SIGLEC11: variants seen among roughly 807,000 people sequenced by gnomAD.
The protein encoded by SIGLEC11 is sialic acid-binding Ig-like lectin 11.
SIGLEC11 carries 47 observed loss-of-function variants against 61.2 expected under a neutral mutation model. The observed-to-expected ratio is 0.77, with a 90% CI of 0.61 to 0.98. The LOEUF is 0.98. SIGLEC11 is among the 50% of genes least tolerant of loss of function. The pLI is 0.00. For synonymous variants in SIGLEC11, 278 were observed against 373.1 expected, an observed-to-expected ratio of 0.75 and a Z score of 2.94; for missense variants, 610 against 870.3, an observed-to-expected ratio of 0.70 and a Z score of 3.76.
In SIGLEC11 at chr19:49,949,669, C is replaced by G. The variant is rs1402550693; in HGVS notation, c.*301G>C. On this transcript the variant is annotated 3_prime_UTR_variant, in exon 11 of 11. Coordinates refer to ENST00000447370, the MANE Select transcript of SIGLEC11 (RefSeq NM_052884.3). ...CCAGCCAGGGAAACATGGCAAAACCCTGTCTCTACTAAAAATATAACAATG... is the reference window on the plus strand; with the variant it reads ...CCAGCCAGGGAAACATGGCAAAACCGTGTCTCTACTAAAAATATAACAATG... 2.0e-5 allele frequency: 4 copies of G among 201,500 alleles called. No homozygotes were observed. The highest frequency in any genetic ancestry group is 9.2e-5 in the African/African-American group (4 of 43,394). 12.5% of individuals were successfully genotyped at this position (201,500 alleles called of 1,614,324 possible).
chr19:49,959,773 CTGACGTGT>C lies in SIGLEC11; in HGVS notation c.785_792del (p.Asn262SerfsTer26). The C allele has an allele frequency of 1.9e-6, 1 of 518,742 alleles. No individual in the cohort carries two copies. 32.1% of individuals were successfully genotyped at this position (518,742 alleles called of 1,614,324 possible). On this transcript the variant is annotated frameshift_variant and splice_region_variant, in exon 4 of 11. Transcript: ENST00000447370. LOFTEE classifies it high-confidence loss of function. Reference sequence around the variant, plus strand: ...GCCCCAGCCCGAAGGCCCTCAGTACCTGACGTGTTGTCATGTGAAATGCTGATAATAAG... The same window carrying C: ...GCCCCAGCCCGAAGGCCCTCAGTACCTGTCATGTGAAATGCTGATAATAAG...
chr19:49,950,632 C>T (rs73932016), intron 10 of SIGLEC11, among the ~76,000 whole-genome samples: 3,704 of 152,220 alleles, frequency 0.024, 144 homozygotes, highest in African/African-American at 0.085. Flanking sequence ...CTCCAGTGCC[C>T]GCTGCCTTAT....
intron 8 of SIGLEC11, among the ~76,000 whole-genome samples, chr19:49,956,653 AC>A (rs2076198433): frequency 6.6e-6 from 1 of 152,014 alleles, no homozygotes; most frequent in South Asian, 2.1e-4. Context: ...ACACAAATTA[AC>A]CCCCTGAAAA....
chr19:49,957,785 A>C (rs776279873), intron 8 of SIGLEC11, among the ~76,000 whole-genome samples: 20 of 152,346 alleles, frequency 1.3e-4, no homozygotes, highest in Non-Finnish European at 2.8e-4. Flanking sequence ...GTGAATCACA[A>C]GGTCAGGAGT....
At position 49,952,413 on chromosome 19, in the gene SIGLEC11, T is replaced by TG. The variant is rs1466988829; in HGVS notation, c.1652-20dup. The TG allele has an allele frequency of 1.3e-6, 2 of 1,594,858 alleles. No individual in the cohort carries two copies. The highest frequency in any genetic ancestry group is 8.5e-7 in the Non-Finnish European group (1 of 1,174,152). Reference sequence around the variant, plus strand: ...AGCTTCCCTGCATGGGAGCAGGGTTTGGGGTGGTGCCCTCCTGGCCCTGAG... The same window carrying TG: ...AGCTTCCCTGCATGGGAGCAGGGTTTGGGGGTGGTGCCCTCCTGGCCCTGAG... On this transcript the variant is annotated intron_variant, in intron 8 of 10. Coordinates refer to ENST00000447370, the MANE Select transcript of SIGLEC11 (RefSeq NM_052884.3).
rs559464352 is a variant in SIGLEC11, at chr19:49,951,801, A to C, written c.1830+90T>G. 5.1e-5 allele frequency: 59 copies of C among 1,155,132 alleles called. No individual in the cohort carries two copies. The African/African-American group carries it at 7.9e-4, about 16-fold the overall frequency. The allele number at this position is 1,155,132 out of a possible 1,614,324, so 71.6% of individuals were successfully genotyped here. A position where few individuals can be genotyped will look rare whatever the true frequency, so the allele number is the denominator to read the frequency against. The stretch of plus-strand genomic sequence containing the variant: ...GGAGCAAAACCCTATTTGGGGCACA[A>C]TGATTCTGCAAGTCACCAAGAGGAC... On this transcript the variant is annotated intron_variant, in intron 10 of 10. Coordinates refer to ENST00000447370, the MANE Select transcript of SIGLEC11 (RefSeq NM_052884.3). This position sits in a 1 kb window ranked among gnomAD's most constrained non-coding sequence, Gnocchi z 4.6.
intron 8 of SIGLEC11, among the ~76,000 whole-genome samples, 160 bp downstream of exon 8, chr19:49,958,123 G>T (rs1032853151): frequency 6.6e-6 from 1 of 152,066 alleles, no homozygotes. Context: ...TGCTCTCTCC[G>T]TTCCTCAGTT....
intron 8 of SIGLEC11, among the ~76,000 whole-genome samples, chr19:49,957,641 A>C (rs1327183612): frequency 2.0e-5 from 3 of 152,228 alleles, no homozygotes; most frequent in African/African-American, 7.2e-5. Context: ...TGACACAGCT[A>C]CAAGGCCACA....
rs2076192133 is a variant in SIGLEC11 at position 49,955,853 on chromosome 19, T to G, written c.1651+2430A>C. Among the ~76,000 whole-genome samples the G allele has an allele frequency of 6.7e-6, 1 of 149,752 alleles. No individual in the cohort carries two copies. The highest frequency in any genetic ancestry group is 6.7e-5 in the Admixed American group (1 of 14,872). On this transcript the variant is annotated intron_variant, in intron 8 of 10. Transcript: ENST00000447370. The surrounding 1 kb of genome is among the most constrained non-coding windows in gnomAD (Gnocchi z 4.5). ...GGGAGGCTGAGGCAGGAGAATGGCGTGAACCTGGGAGTTGGAGCTTGCAGT... is the reference window on the plus strand; with the variant it reads ...GGGAGGCTGAGGCAGGAGAATGGCGGGAACCTGGGAGTTGGAGCTTGCAGT...
chr19:49,956,271 A>G (rs1002584682), intron 8 of SIGLEC11, among the ~76,000 whole-genome samples: 29 of 152,352 alleles, frequency 1.9e-4, no homozygotes, highest in Admixed American at 5.9e-4. Flanking sequence ...CAAACCCAGT[A>G]AAAGAACTAA....
chr19:49,959,073 A>C lies in SIGLEC11; in HGVS notation c.1062T>G (p.Pro354=), dbSNP rs201547071. 1.8e-5 allele frequency: 29 copies of C among 1,613,788 alleles called. No individual in the cohort carries two copies. The highest frequency in any genetic ancestry group is 2.4e-5 in the Non-Finnish European group (28 of 1,179,792). Residue 354 remains proline (P), a synonymous_variant, in exon 6 of 11, where the codon CCT becomes CCG. Coordinates refer to ENST00000447370, the MANE Select transcript of SIGLEC11 (RefSeq NM_052884.3). ...AAACCATCACTCTCAGGTTCTCTGG[A>C]GGATCTGAAATGGAGACAGGGGACC... ...QQALDLSVQY[P]PENLRVMVSQ... is the part of the protein sequence containing the mutation.
At chr19:49,952,867 C>T (rs1363180389) in intron 8 of SIGLEC11, among the ~76,000 whole-genome samples, 1 of 152,176 alleles carries the variant, frequency 6.6e-6, no homozygotes, top group Admixed American at 6.5e-5. Context: ...TAAATTATGT[C>T]ACCTATCCTA....
rs1280168811 is a variant in SIGLEC11 at position 49,955,106 on chromosome 19, A to C, written c.1652-2712T>G. On this transcript the variant is annotated intron_variant, in intron 8 of 10. Coordinates refer to ENST00000447370, the MANE Select transcript of SIGLEC11 (RefSeq NM_052884.3). The surrounding 1 kb of genome is among the most constrained non-coding windows in gnomAD (Gnocchi z 4.5). Reference sequence around the variant, plus strand: ...TGTAGGGCAAGCCCAGGGTGACGTCAAGCGGCAGCTGCAGGCATGAATGCC... The same window carrying C: ...TGTAGGGCAAGCCCAGGGTGACGTCCAGCGGCAGCTGCAGGCATGAATGCC... Among the ~76,000 whole-genome samples, 1 of 152,140 alleles carries C rather than the reference A, an allele frequency of 6.6e-6. No individual in the cohort carries two copies. Among genetic ancestry groups the C allele is most frequent in the Non-Finnish European group, 1.5e-5 (1 of 68,024 alleles).
chr19:49,952,088 T>C, intron 9 of SIGLEC11, 116 bp from the exon 10 acceptor site: 1 of 1,138,350 alleles, frequency 8.8e-7, no homozygotes, highest in Non-Finnish European at 1.2e-6. Flanking sequence ...GGTGGGGACA[T>C]ATCCACGGGG....
intron 8 of SIGLEC11, among the ~76,000 whole-genome samples, chr19:49,952,759 T>C (rs2076167159): frequency 6.6e-6 from 1 of 152,198 alleles, no homozygotes; most frequent in Non-Finnish European, 1.5e-5. Context: ...AGCATAACTA[T>C]GTTTTACAAA....
rs1568753225 is a variant in SIGLEC11 at position 49,960,929 on chromosome 19, A to G, written c.83T>C (p.Leu28Pro). Residue 28 changes from leucine to proline, a missense_variant, in exon 2 of 11, where the codon CTG becomes CCG. Physicochemically the swap from Leu to Pro is moderately conservative, Grantham distance 98. This residue lies in a region of SIGLEC11 where 27 missense variants were observed against 96.0 expected (regional missense o/e 0.28). Coordinates refer to ENST00000447370, the MANE Select transcript of SIGLEC11 (RefSeq NM_052884.3). ...AAGACTGTAACTGGGATCCTTGTTC[A>G]GGGACCCTGGGGAGATGCAGAGGCT... ...LLLPVLGAGS[L>P]NKDPSYSLQV... The G allele has an allele frequency of 6.7e-7, 1 of 1,485,320 alleles. No individual in the cohort carries two copies. Among genetic ancestry groups the G allele is most frequent in the South Asian group, 1.2e-5 (1 of 85,494 alleles). The allele number at this position is 1,485,320 out of a possible 1,614,324, so 92.0% of individuals were successfully genotyped here. A position where few individuals can be genotyped will look rare whatever the true frequency, so the allele number is the denominator to read the frequency against.
At position 49,949,536 on chromosome 19, in the gene SIGLEC11, C is replaced by G. The variant is rs2076144216; in HGVS notation, c.*434G>C. 6.6e-6 allele frequency: 1 copy of G among 152,566 alleles called. No individual in the cohort carries two copies. Among genetic ancestry groups the G allele is most frequent in the Admixed American group, 6.5e-5 (1 of 15,276 alleles). The allele number at this position is 152,566 out of a possible 1,614,324, so 9.5% of individuals were successfully genotyped here. Reference sequence around the variant, plus strand: ...CCTCAAAGTGTCATCTTCAAACTCGCTCTGAATTGAAAGTATAATCTTCAG... The same window carrying G: ...CCTCAAAGTGTCATCTTCAAACTCGGTCTGAATTGAAAGTATAATCTTCAG... On this transcript the variant is annotated 3_prime_UTR_variant, in exon 11 of 11. Transcript: ENST00000447370.
rs755302187 is a variant in SIGLEC11, at chr19:49,960,599, C to T, written c.413G>A (p.Arg138His). ...WYFFRVERGSRVRHSFLSNAF... is the reference protein window; with the variant it reads ...WYFFRVERGSHVRHSFLSNAF... ...ATTGCTCAGGAAACTATGTCTCACA[C>T]GGCTTCCTCTCTCCACCCGAAAGAA... is the stretch of plus-strand genomic sequence containing the variant. The change falls in exon 2 of 11, where the codon CGT (arginine) becomes CAT (histidine). Residue 138 changes from arginine to histidine, a missense_variant. Arg to His is a conservative substitution (Grantham distance 29). Around this residue, in one of 6 missense-constraint regions of SIGLEC11, gnomAD observed 99 missense variants for 131.6 expected, o/e 0.75. Coordinates refer to ENST00000447370, the MANE Select transcript of SIGLEC11 (RefSeq NM_052884.3). 24 of 1,599,500 alleles carry T rather than the reference C, an allele frequency of 1.5e-5. 1 individual carries two copies. Among genetic ancestry groups the T allele is most frequent in the African/African-American group, 8.0e-5 (5 of 62,668 alleles).
In SIGLEC11 at chr19:49,955,155, C is replaced by CA. The variant is rs1176837013; in HGVS notation, c.1652-2762dup. On this transcript the variant is annotated intron_variant, in intron 8 of 10. Transcript: ENST00000447370. The surrounding 1 kb of genome is among the most constrained non-coding windows in gnomAD (Gnocchi z 4.5). ...CCACCCAGCTTATAAAAGTGACCAC[C>CA]AAGATGTACATGAACCATGACCAGA... Among the ~76,000 whole-genome samples, 2 of 151,916 alleles carry CA rather than the reference C, an allele frequency of 1.3e-5. No homozygotes were observed. The highest frequency in any genetic ancestry group is 4.8e-5 in the African/African-American group (2 of 41,342).
Sources: allele counts gnomAD v4.1 joint callset (sites outside exome capture counted in the v4.1 genomes callset), GRCh38; gene constraint gnomAD v4.1.1; regional missense constraint gnomAD v4.1.1; non-coding constraint Gnocchi (gnomAD v3.1); transcripts MANE v1.5; gene names NCBI Gene and HGNC (gene_info 2026-07-23, HGNC 2026-07-21).